The following ARHGEF26 variants were observed in gnomAD, a reference collection of about 807,000 sequenced individuals.
ARHGEF26 encodes the protein Rho guanine nucleotide exchange factor 26.
A neutral mutation model predicts 89.4 loss-of-function variants in ARHGEF26; 59 were observed. The ratio of observed to expected loss-of-function variants is 0.66; its 90% CI spans 0.54 to 0.82. ARHGEF26 has a LOEUF of 0.82. Among genes scored for constraint, ARHGEF26 ranks in the 40% least tolerant of loss-of-function variants. The pLI is 0.00. For synonymous variants in ARHGEF26, 500 were observed against 428.4 expected (o/e 1.17, Z -2.06); for missense variants, 1,234 against 1,085.6 (o/e 1.14, Z -1.92).
At chr3:154,254,894 ATT>A in intron 14 of ARHGEF26, 70 bp downstream of exon 14, 1 of 1,285,976 alleles carries the variant, frequency 7.8e-7, no homozygotes, top group Non-Finnish European at 1.1e-6. Flanking sequence ...GAGGAGTGTC[ATT>A]TTGTCATCAT....
At chr3:154,166,190 A>C (rs1441653800) in intron 6 of ARHGEF26, among the ~76,000 whole-genome samples, 1 of 152,076 alleles carries the variant, frequency 6.6e-6, no homozygotes, top group Admixed American at 6.5e-5. Flanking sequence ...TACTGGGACT[A>C]CAGGCACATG....
At chr3:154,159,871 G>A (rs1231193417) in intron 6 of ARHGEF26, among the ~76,000 whole-genome samples, 1 of 151,918 alleles carries the variant, frequency 6.6e-6, no homozygotes, top group African/African-American at 2.4e-5. Context: ...ATTTAACTAG[G>A]CCAGAGAATA....
intron 12 of ARHGEF26, among the ~76,000 whole-genome samples, chr3:154,251,478 G>A (rs572510784): frequency 7.2e-5 from 11 of 152,326 alleles, no homozygotes; most frequent in Non-Finnish European, 1.6e-4. Flanking sequence ...CATATACTGA[G>A]CCCCTGTTAC....
intron 10 of ARHGEF26, 129 bp downstream of exon 10, chr3:154,218,087 TAGC>T (rs2108247239): frequency 2.5e-6 from 2 of 803,360 alleles, no homozygotes; most frequent in East Asian, 5.4e-5. Flanking sequence ...TAAGAGGGAG[TAGC>T]AGATGCTTCA....
intron 6 of ARHGEF26, among the ~76,000 whole-genome samples, chr3:154,160,668 CATTG>C (rs141828296): frequency 0.021 from 3,257 of 152,086 alleles, 61 homozygotes; most frequent in Non-Finnish European, 0.032. Flanking sequence ...AAAGGTGGTG[CATTG>C]ATTGATTGAT....
rs1230111330 is a variant in ARHGEF26 at position 154,191,324 on chromosome 3, G to C, written c.1676G>C (p.Arg559Thr). 1 of 1,613,196 alleles carries C rather than the reference G, an allele frequency of 6.2e-7. No homozygotes were observed. The highest frequency in any genetic ancestry group is 1.7e-5 in the Admixed American group (1 of 59,950). ...TNPSFKEVLS[R>T]IESHEDCRNL... is the part of the protein sequence containing the mutation. ...CCATCCTTTAAGGAAGTATTGTCAA[G>C]GATTGAGTCCCATGAAGACTGTAGG... Residue 559 changes from arginine to threonine, a missense_variant, in exon 8 of 15, where the codon AGG becomes ACG. Transcript: ENST00000465093.
At chr3:154,207,777 T>C (rs2108225369) in intron 9 of ARHGEF26, among the ~76,000 whole-genome samples, 1 of 152,260 alleles carries the variant, frequency 6.6e-6, no homozygotes, top group South Asian at 2.1e-4. Flanking sequence ...AATCGTTCTG[T>C]TATAAAGACA....
At chr3:154,237,578 C>CACACT (rs1559919348) in intron 11 of ARHGEF26, among the ~76,000 whole-genome samples, 4 of 73,042 alleles carry the variant, frequency 5.5e-5, no homozygotes, top group African/African-American at 2.2e-4. Flanking sequence ...ACACACTTAA[C>CACACT]TAGTTTATTC....
At position 154,121,947 on chromosome 3, in the gene ARHGEF26, A is replaced by G. The variant is rs2108026406; in HGVS notation, c.-46A>G. On this transcript the variant is annotated 5_prime_UTR_variant, in exon 2 of 15. Transcript: ENST00000465093. The stretch of plus-strand genomic sequence containing the variant: ...CTAACTTCTTTCCTCTTTAGGCAAG[A>G]CTAACTCGGTGTTGCTCCTCCCGGC... 5 of 1,543,008 alleles carry G rather than the reference A, an allele frequency of 3.2e-6. No homozygotes were observed. Among genetic ancestry groups the G allele is most frequent in the East Asian group, 2.3e-5 (1 of 43,996 alleles).
chr3:154,151,842 TTGAAGGGG>T (rs1720041704), intron 5 of ARHGEF26, among the ~76,000 whole-genome samples: 3 of 152,260 alleles, frequency 2.0e-5, no homozygotes, highest in Non-Finnish European at 4.4e-5. Context: ...GGGCAAGGAC[TTGAAGGGG>T]TGGAGCCCTG....
intron 9 of ARHGEF26, among the ~76,000 whole-genome samples, chr3:154,207,494 A>T (rs912409092): frequency 2.0e-5 from 3 of 151,982 alleles, no homozygotes; most frequent in Admixed American, 6.6e-5. Context: ...CAAACATATA[A>T]AAAAAAAGCT....
chr3:154,242,789 TCAG>T (rs1717548436), intron 12 of ARHGEF26, among the ~76,000 whole-genome samples: 1 of 151,790 alleles, frequency 6.6e-6, no homozygotes, highest in African/African-American at 2.4e-5. Flanking sequence ...ACCCAAACCT[TCAG>T]CAACCATCAC....
At chr3:154,224,082 T>C (rs1716317336) in intron 10 of ARHGEF26, among the ~76,000 whole-genome samples, 1 of 152,200 alleles carries the variant, frequency 6.6e-6, no homozygotes, top group African/African-American at 2.4e-5. Flanking sequence ...ATGAATTTCT[T>C]TTCTAGTTTC....
At chr3:154,153,316 A>T (rs533742288) in intron 6 of ARHGEF26, among the ~76,000 whole-genome samples, 3 of 152,114 alleles carry the variant, frequency 2.0e-5, no homozygotes, top group African/African-American at 4.8e-5. Context: ...TTAATAATAT[A>T]TATTTTCATT....
At chr3:154,188,047 A>T (rs1713703454) in intron 7 of ARHGEF26, among the ~76,000 whole-genome samples, 1 of 152,158 alleles carries the variant, frequency 6.6e-6, no homozygotes, top group Non-Finnish European at 1.5e-5. Context: ...CTCTTACGAA[A>T]TTATAGCTTG....
chr3:154,178,344 C>T (rs61449496), intron 6 of ARHGEF26, among the ~76,000 whole-genome samples: 3 of 152,170 alleles, frequency 2.0e-5, no homozygotes, highest in Admixed American at 6.6e-5. Context: ...CAGAGTTTTA[C>T]GATTTCATCA....
chr3:154,125,669 T>C (rs560954940), intron 3 of ARHGEF26, among the ~76,000 whole-genome samples: 1 of 152,342 alleles, frequency 6.6e-6, no homozygotes, highest in African/African-American at 2.4e-5. Flanking sequence ...TTTTAGATTT[T>C]TTTTGAAGTC....
intron 9 of ARHGEF26, among the ~76,000 whole-genome samples, chr3:154,209,316 C>G (rs1715225181): frequency 6.6e-6 from 1 of 152,040 alleles, no homozygotes; most frequent in Non-Finnish European, 1.5e-5. Context: ...GGTGTTGATG[C>G]TAGTAGGTGT....
At chr3:154,158,858 A>G (rs556956835) in intron 6 of ARHGEF26, among the ~76,000 whole-genome samples, 21 of 152,264 alleles carry the variant, frequency 1.4e-4, no homozygotes, top group African/African-American at 3.8e-4. Flanking sequence ...GATAATTTAT[A>G]GATAATCCCT....
Sources: gnomAD v4.1 joint callset for allele counts (sites outside exome capture counted in the v4.1 genomes callset) on GRCh38, gnomAD v4.1.1 for gene constraint, MANE v1.5 for transcripts, NCBI Gene and HGNC (gene_info 2026-07-23, HGNC 2026-07-21) for gene names.